EBF1: variants seen among roughly 807,000 people sequenced by gnomAD.
EBF1 encodes transcription factor COE1.
In EBF1, 10 loss-of-function variants were observed where a neutral mutation model predicts 68.4. The ratio of observed to expected loss-of-function variants is 0.15; its 90% CI spans 0.09 to 0.25. EBF1 has a LOEUF of 0.25. Ranked by LOEUF, EBF1 falls within the 10% of genes least tolerant of loss-of-function variation. The pLI is 1.00. For synonymous variants in EBF1, 298 were observed against 299.8 expected (o/e 0.99, Z 0.06); for missense variants, 509 against 794.4 (o/e 0.64, Z 4.32).
chr5:158,969,600 CA>C (rs61084099), intron 6 of EBF1, among the ~76,000 whole-genome samples: 9,037 of 49,268 alleles, frequency 0.18, 276 homozygotes, highest in East Asian at 0.21. Flanking sequence ...CCCATCTCTA[CA>C]AAAAAAAAAA....
At chr5:158,837,801 G>T (rs1789169181) in intron 7 of EBF1, among the ~76,000 whole-genome samples, 1 of 152,100 alleles carries the variant, frequency 6.6e-6, no homozygotes, top group South Asian at 2.1e-4. Flanking sequence ...AAACTCTGCT[G>T]CCCTAAGAGG....
chr5:158,995,399 C>T (rs967918249), intron 6 of EBF1, among the ~76,000 whole-genome samples: 3 of 152,142 alleles, frequency 2.0e-5, no homozygotes, highest in Non-Finnish European at 4.4e-5. Context: ...GCTAGGGGGA[C>T]GCTCATATGC....
At chr5:158,939,468 G>T (rs1003938384) in intron 6 of EBF1, among the ~76,000 whole-genome samples, 1 of 152,190 alleles carries the variant, frequency 6.6e-6, no homozygotes, top group African/African-American at 2.4e-5. Context: ...CAGCAGACCA[G>T]AATAAGCAAG....
At chr5:158,741,098 A>G (rs1052723155) in intron 10 of EBF1, among the ~76,000 whole-genome samples, 2 of 152,284 alleles carry the variant, frequency 1.3e-5, no homozygotes, top group African/African-American at 4.8e-5. Flanking sequence ...TTTTAAAATA[A>G]TCACAATTTA....
At chr5:158,760,302 C>T (rs894800226) in intron 10 of EBF1, among the ~76,000 whole-genome samples, 5 of 152,104 alleles carry the variant, frequency 3.3e-5, no homozygotes, top group African/African-American at 4.8e-5. Context: ...CATGGCCCAA[C>T]GTGGCATAAG....
At chr5:159,099,321 C>A in intron 1 of EBF1, 24 bp downstream of exon 1, 1 of 1,515,450 alleles carries the variant, frequency 6.6e-7, no homozygotes, top group Non-Finnish European at 8.8e-7. Flanking sequence ...CTCACCTCGG[C>A]CGCGGTCCCC....
At chr5:158,863,056 G>A (rs1470435520) in intron 6 of EBF1, among the ~76,000 whole-genome samples, 1 of 152,024 alleles carries the variant, frequency 6.6e-6, no homozygotes, top group Non-Finnish European at 1.5e-5. Context: ...TTACAATTTG[G>A]CACCAAAAAC....
At chr5:159,072,179 A>G (rs997653833) in intron 6 of EBF1, among the ~76,000 whole-genome samples, 4 of 152,208 alleles carry the variant, frequency 2.6e-5, no homozygotes, top group Non-Finnish European at 4.4e-5. Flanking sequence ...AAATATATAT[A>G]TTTTAGTGAA....
intron 6 of EBF1, among the ~76,000 whole-genome samples, chr5:158,969,827 C>T (rs1020683909): frequency 1.8e-4 from 14 of 78,624 alleles, no homozygotes; most frequent in African/African-American, 6.9e-4. Flanking sequence ...GAAAGAAAGA[C>T]AGAAAAGAAA....
Position 159,072,470 on chromosome 5 carries a change from A to C in EBF1, c.554+926T>G, listed in dbSNP as rs141148587. ...AAATCAATATTGCTGAAACCCAAAA[A>C]GGGACTTGTGTTCAACCATTGGTTT... On this transcript the variant is annotated intron_variant, in intron 6 of 15. Coordinates refer to ENST00000313708, the MANE Select transcript of EBF1 (RefSeq NM_024007.5). 2.4e-4 allele frequency among the ~76,000 whole-genome samples: 36 copies of C among 152,308 alleles called. No individual in the cohort carries two copies. The East Asian group carries it at 6.9e-3, about 29-fold the overall frequency.
chr5:159,018,754 C>T (rs1766096957), intron 6 of EBF1, among the ~76,000 whole-genome samples: 1 of 152,186 alleles, frequency 6.6e-6, no homozygotes, highest in Admixed American at 6.5e-5. Context: ...CTCCATTTTA[C>T]AGGAACAGGA....
At chr5:158,945,802 T>A (rs967609656) in intron 6 of EBF1, among the ~76,000 whole-genome samples, 3 of 152,222 alleles carry the variant, frequency 2.0e-5, no homozygotes, top group Admixed American at 1.3e-4. Context: ...ATTCTCCCCA[T>A]CACTTTCAGG....
At chr5:158,974,945 A>G (rs935017588) in intron 6 of EBF1, among the ~76,000 whole-genome samples, 15 of 152,204 alleles carry the variant, frequency 9.9e-5, no homozygotes, top group African/African-American at 2.9e-4. Context: ...ACACCAGTCC[A>G]TTATACTAAC....
chr5:158,714,297 G>A, intron 11 of EBF1, 115 bp from the exon 12 acceptor site: 1 of 1,199,620 alleles, frequency 8.3e-7, no homozygotes, highest in Non-Finnish European at 1.2e-6. Context: ...TGCTATAAAG[G>A]CCGTAGCTTG....
intron 8 of EBF1, among the ~76,000 whole-genome samples, chr5:158,806,482 C>T (rs1781616670): frequency 6.6e-6 from 1 of 152,108 alleles, no homozygotes; most frequent in African/African-American, 2.4e-5. Context: ...AGTACCCTCA[C>T]TCACCCTGGC....
intron 6 of EBF1, among the ~76,000 whole-genome samples, chr5:158,874,807 C>T (rs1448103988): frequency 6.6e-6 from 1 of 152,054 alleles, no homozygotes; most frequent in African/African-American, 2.4e-5. Flanking sequence ...GTGTTTTACA[C>T]CTACAGTAAT....
chr5:158,975,487 T>C (rs1359617549), intron 6 of EBF1, among the ~76,000 whole-genome samples: 1 of 151,996 alleles, frequency 6.6e-6, no homozygotes, highest in African/African-American at 2.4e-5. Context: ...CGAAAGAGTT[T>C]TTGGTGTTGT....
intron 6 of EBF1, among the ~76,000 whole-genome samples, chr5:158,861,012 G>A (rs1490474772): frequency 2.0e-5 from 3 of 152,096 alleles, no homozygotes; most frequent in Non-Finnish European, 4.4e-5. Flanking sequence ...CTCAACAAAA[G>A]CTTTAACAGC....
At chr5:158,992,716 A>T (rs1238941374) in intron 6 of EBF1, among the ~76,000 whole-genome samples, 1 of 152,070 alleles carries the variant, frequency 6.6e-6, no homozygotes, top group African/African-American at 2.4e-5. Context: ...TACCAATTAT[A>T]TTCCTGGTTT....
Sources: gnomAD v4.1 joint callset for allele counts (sites outside exome capture counted in the v4.1 genomes callset) on GRCh38, gnomAD v4.1.1 for gene constraint, MANE v1.5 for transcripts, NCBI Gene and HGNC (gene_info 2026-07-23, HGNC 2026-07-21) for gene names.